PPM1L: variants seen among roughly 807,000 people sequenced by gnomAD.
PPM1L encodes protein phosphatase 1L.
PPM1L carries 13 observed loss-of-function variants against 31.4 expected under a neutral mutation model. The ratio of observed to expected loss-of-function variants is 0.41; its 90% CI spans 0.27 to 0.66. The LOEUF (loss-of-function observed/expected upper bound fraction) is 0.66, where lower values mean the gene tolerates loss of function less well. Ranked by LOEUF, PPM1L falls within the 30% of genes least tolerant of loss-of-function variation. The pLI is 0.29. For synonymous variants in PPM1L, 184 were observed against 175.4 expected, an observed-to-expected ratio of 1.05 and a Z score of -0.39; for missense variants, 326 against 453.7, an observed-to-expected ratio of 0.72 and a Z score of 2.56.
At chr3:160,929,986 T>C (rs541473456) in intron 1 of PPM1L, among the ~76,000 whole-genome samples, 138 of 152,246 alleles carry the variant, frequency 9.1e-4, no homozygotes, top group African/African-American at 2.8e-3. Flanking sequence ...TTGAGGCCCC[T>C]CTCTCCTGAC....
intron 1 of PPM1L, among the ~76,000 whole-genome samples, chr3:160,805,534 C>A (rs931190733): frequency 6.6e-6 from 1 of 152,088 alleles, no homozygotes; most frequent in African/African-American, 2.4e-5. Flanking sequence ...CCAGCTTGGT[C>A]AATATGGTGA....
intron 2 of PPM1L, among the ~76,000 whole-genome samples, chr3:161,033,146 A>G (rs1446985789): frequency 6.6e-6 from 1 of 152,138 alleles, no homozygotes; most frequent in Non-Finnish European, 1.5e-5. Context: ...GATCTGAAGG[A>G]CCTCTTCAAG....
chr3:160,824,991 A>T (rs1369893428), intron 1 of PPM1L, among the ~76,000 whole-genome samples: 1 of 152,014 alleles, frequency 6.6e-6, no homozygotes, highest in East Asian at 1.9e-4. Context: ...TTGGAATTCC[A>T]TTTTATGCTC....
chr3:160,981,580 AT>A (rs1020532652), intron 2 of PPM1L, among the ~76,000 whole-genome samples: 3 of 152,120 alleles, frequency 2.0e-5, no homozygotes, highest in Admixed American at 2.0e-4. Context: ...GTGTGGTAGT[AT>A]TCATACTAAG....
intron 1 of PPM1L, among the ~76,000 whole-genome samples, chr3:160,774,334 C>T (rs1711509043): frequency 6.6e-6 from 1 of 152,240 alleles, no homozygotes; most frequent in Admixed American, 6.5e-5. Flanking sequence ...GGTACTGCCA[C>T]CATGCTAATT....
intron 1 of PPM1L, among the ~76,000 whole-genome samples, chr3:160,875,954 T>C (rs1255337730): frequency 6.6e-6 from 1 of 152,224 alleles, no homozygotes; most frequent in Non-Finnish European, 1.5e-5. Flanking sequence ...TTCACACATT[T>C]TTCTTTCAGA....
chr3:160,920,214 TG>T (rs924294385), intron 1 of PPM1L, among the ~76,000 whole-genome samples: 2 of 152,144 alleles, frequency 1.3e-5, no homozygotes, highest in African/African-American at 4.8e-5. Context: ...AGCCAGCCAG[TG>T]CCCACAGCCA....
intron 1 of PPM1L, among the ~76,000 whole-genome samples, chr3:160,899,271 G>T (rs1447623): frequency 9.0e-4 from 137 of 152,300 alleles, no homozygotes; most frequent in African/African-American, 3.0e-3. Context: ...GCTGTGCCCT[G>T]AGGTGATACA....
intron 1 of PPM1L, among the ~76,000 whole-genome samples, chr3:160,916,351 C>T (rs555244326): frequency 2.8e-4 from 43 of 151,982 alleles, no homozygotes; most frequent in African/African-American, 1.0e-3. Context: ...AAATCAAAAC[C>T]ACAATAAGAA....
At chr3:160,780,004 A>G (rs577367778) in intron 1 of PPM1L, among the ~76,000 whole-genome samples, 1 of 152,152 alleles carries the variant, frequency 6.6e-6, no homozygotes, top group South Asian at 2.1e-4. Flanking sequence ...CATGGCACAT[A>G]GTAGGCACTC....
At chr3:161,030,628 A>G (rs1044153993) in intron 2 of PPM1L, among the ~76,000 whole-genome samples, 1 of 152,208 alleles carries the variant, frequency 6.6e-6, no homozygotes, top group Admixed American at 6.5e-5. Flanking sequence ...TGGGTATTTC[A>G]TCATTTAGAG....
At chr3:161,050,938 A>T (rs180688888) in intron 2 of PPM1L, among the ~76,000 whole-genome samples, 88 of 152,326 alleles carry the variant, frequency 5.8e-4, no homozygotes, top group African/African-American at 1.8e-3. Context: ...TTTGAAAGTG[A>T]ATTACAAAGA....
chr3:160,842,774 AT>A (rs1180251791), intron 1 of PPM1L, among the ~76,000 whole-genome samples: 1 of 152,138 alleles, frequency 6.6e-6, no homozygotes, highest in Non-Finnish European at 1.5e-5. Context: ...ATTGTCACAG[AT>A]TTTGATGTCT....
intron 1 of PPM1L, among the ~76,000 whole-genome samples, chr3:160,815,036 A>G (rs1000834083): frequency 6.6e-6 from 1 of 152,068 alleles, no homozygotes; most frequent in Non-Finnish European, 1.5e-5. Flanking sequence ...ATAAAAGACT[A>G]CACATTGGGT....
At chr3:160,896,892 G>A (rs1424794097) in intron 1 of PPM1L, among the ~76,000 whole-genome samples, 1 of 152,104 alleles carries the variant, frequency 6.6e-6, no homozygotes, top group African/African-American at 2.4e-5. Context: ...AGTAGAAATA[G>A]CACTTTATTT....
At chr3:160,864,251 C>T (rs1712007801) in intron 1 of PPM1L, among the ~76,000 whole-genome samples, 2 of 152,182 alleles carry the variant, frequency 1.3e-5, no homozygotes. Flanking sequence ...GGTGTGATCA[C>T]AGCTCACTGT....
chr3:160,765,964 G>A (rs2108057709), intron 1 of PPM1L, among the ~76,000 whole-genome samples: 2 of 152,194 alleles, frequency 1.3e-5, no homozygotes, highest in Admixed American at 1.3e-4. Context: ...TTTCATTCTA[G>A]AAGGCTACTT....
intron 1 of PPM1L, among the ~76,000 whole-genome samples, chr3:160,932,819 C>A (rs1280457560): frequency 6.6e-6 from 1 of 152,088 alleles, no homozygotes; most frequent in Non-Finnish European, 1.5e-5. Context: ...TGAATTTCAG[C>A]CTCATCATTC....
intron 2 of PPM1L, among the ~76,000 whole-genome samples, chr3:160,973,431 C>T (rs998702023): frequency 5.3e-5 from 8 of 152,178 alleles, no homozygotes; most frequent in Admixed American, 3.9e-4. Flanking sequence ...CCTTTCTGTA[C>T]TATCGGGATT....
Sources: gnomAD v4.1 joint callset for allele counts (sites outside exome capture counted in the v4.1 genomes callset) on GRCh38, gnomAD v4.1.1 for gene constraint, MANE v1.5 for transcripts, NCBI Gene and HGNC (gene_info 2026-07-23, HGNC 2026-07-21) for gene names.